Variants in LCE2B observed in about 807,000 individuals in gnomAD.
The protein encoded by LCE2B is late cornified envelope 2B.
For missense variants in LCE2B, 175 were observed against 141.6 expected (o/e 1.24, Z -1.20); for synonymous variants, 69 against 52.0 (o/e 1.33, Z -1.40).
rs1649149048 is a variant in LCE2B, at chr1:152,686,852, C to T, written c.9C>T (p.Cys3=). The T allele has an allele frequency of 6.2e-7, 1 of 1,614,104 alleles. No homozygotes were observed. Among genetic ancestry groups the T allele is most frequent in the Non-Finnish European group, 8.5e-7 (1 of 1,180,002 alleles). ...GACTAAACTCTGCCAGGATGTCTTG[C>T]CAGCAAAACCAGCAGCAGTGCCAGC... MS[C]QQNQQQCQPP... The change falls in exon 2 of 2, where the codon TGC becomes TGT. Residue 3 remains cysteine, a synonymous_variant. Coordinates refer to ENST00000368780, the MANE Select transcript of LCE2B (RefSeq NM_014357.5).
Position 152,687,249 on chromosome 1 carries a change from T to A in LCE2B, c.*73T>A. On this transcript the variant is annotated 3_prime_UTR_variant, in exon 2 of 2. Transcript: ENST00000368780. ...CAGCCTGATGCTTAACCCTTTCCAT[T>A]TCCTCTCATTCCATTCATGGGTGGA... 1 of 1,525,866 alleles carries A rather than the reference T, an allele frequency of 6.6e-7. No homozygotes were observed. The highest frequency in any genetic ancestry group is 8.8e-7 in the Non-Finnish European group (1 of 1,138,542). 94.5% of individuals were successfully genotyped at this position (1,525,866 alleles called of 1,614,324 possible).
rs1326332565 is a variant in LCE2B, at chr1:152,686,156, G to A, written c.-21G>A. Reference sequence around the variant, plus strand: ...TGTCTGTGCTCCTGCGTGTGACCAGGGTGAGTGGCAACCTGGGATACCAGA... The same window carrying A: ...TGTCTGTGCTCCTGCGTGTGACCAGAGTGAGTGGCAACCTGGGATACCAGA... On this transcript the variant is annotated splice_region_variant and 5_prime_UTR_variant, in exon 1 of 2. Transcript: ENST00000368780. 1 of 152,482 alleles carries A rather than the reference G, an allele frequency of 6.6e-6. No homozygotes were observed. Among genetic ancestry groups the A allele is most frequent in the African/African-American group, 2.4e-5 (1 of 41,436 alleles). The allele number at this position is 152,482 out of a possible 1,614,324, so 9.4% of individuals were successfully genotyped here.
intron 1 of LCE2B, 89 bp from the exon 2 acceptor site, chr1:152,686,735 T>A: frequency 2.1e-6 from 3 of 1,450,750 alleles, no homozygotes; most frequent in Non-Finnish European, 2.8e-6. Flanking sequence ...CTAAATATCA[T>A]TCTTCTTCTA....
rs1649173569 is a variant in LCE2B, at chr1:152,687,358, C to T, written c.*182C>T. 2.5e-6 allele frequency: 2 copies of T among 793,060 alleles called. No individual in the cohort carries two copies. Among genetic ancestry groups the T allele is most frequent in the Admixed American group, 3.0e-5 (1 of 33,010 alleles). The allele number at this position is 793,060 out of a possible 1,614,324, so 49.1% of individuals were successfully genotyped here. A position where few individuals can be genotyped will look rare whatever the true frequency, so the allele number is the denominator to read the frequency against. On this transcript the variant is annotated 3_prime_UTR_variant, in exon 2 of 2. Transcript: ENST00000368780. ...CTCAATTGCAGGTTTTGTTTTCCTC[C>T]TTTACCTCATGTTATAATAAAGCTC... is the stretch of plus-strand genomic sequence containing the variant.
At chr1:152,686,781 C>A in intron 1 of LCE2B, 43 bp from the exon 2 acceptor site, 2 of 1,587,244 alleles carry the variant, frequency 1.3e-6, no homozygotes, top group Non-Finnish European at 1.7e-6. Context: ...ATAATATGAT[C>A]CTTGGTTTGA....
Position 152,686,965 on chromosome 1 carries a change from C to G in LCE2B, c.122C>G (p.Ser41Cys). The change falls in exon 2 of 2, where the codon TCC becomes TGC. Residue 41 changes from serine (S) to cysteine (C), a missense_variant. Coordinates refer to ENST00000368780, the MANE Select transcript of LCE2B (RefSeq NM_014357.5). ...CTGCCCCAGTGCCCAGCTCCATGTT[C>G]CCCTGCAGTCTCTTCTTGCTGTGGT... The part of the protein sequence containing the change: ...KCLPQCPAPC[S>C]PAVSSCCGPI... 1.2e-6 allele frequency: 2 copies of G among 1,612,818 alleles called. No homozygotes were observed. Among genetic ancestry groups the G allele is most frequent in the Non-Finnish European group, 1.7e-6 (2 of 1,179,960 alleles).
chr1:152,686,996 C>A lies in LCE2B; in HGVS notation c.153C>A (p.Ile51=), dbSNP rs1041656971. Residue 51 remains isoleucine, a synonymous_variant, in exon 2 of 2, where the codon ATC becomes ATA. Transcript: ENST00000368780. ...CAGTCTCTTCTTGCTGTGGTCCCAT[C>A]TCTGGGGGCTGCTGTGGTCCCAGCT... ...SPAVSSCCGP[I]SGGCCGPSSG... 6.2e-6 allele frequency: 10 copies of A among 1,612,674 alleles called. No homozygotes were observed. Among genetic ancestry groups the A allele is most frequent in the Non-Finnish European group, 8.5e-6 (10 of 1,179,310 alleles).
intron 1 of LCE2B, among the ~76,000 whole-genome samples, chr1:152,686,518 C>T (rs941548120): frequency 2.0e-5 from 3 of 151,952 alleles, no homozygotes; most frequent in Non-Finnish European, 2.9e-5. Context: ...TCCTGCAACA[C>T]GCAGCTGGTC....
At position 152,687,027 on chromosome 1, in the gene LCE2B, G is replaced by T. The variant is rs752272976; in HGVS notation, c.184G>T (p.Gly62Cys). The T allele has an allele frequency of 6.2e-7, 1 of 1,613,814 alleles. No individual in the cohort carries two copies. The highest frequency in any genetic ancestry group is 1.7e-5 in the Admixed American group (1 of 60,008). ...GGGCTGCTGTGGTCCCAGCTCTGGGGGCTGCTGCAACTCTGGGGCTGGTGG... is the reference window on the plus strand; with the variant it reads ...GGGCTGCTGTGGTCCCAGCTCTGGGTGCTGCTGCAACTCTGGGGCTGGTGG... ...SGGCCGPSSG[G>C]CCNSGAGGCC... The change falls in exon 2 of 2, where the codon GGC becomes TGC. Residue 62 changes from glycine (G) to cysteine (C), a missense_variant. By Grantham distance (159) the Gly-to-Cys change is radical. Transcript: ENST00000368780.
rs200218887 is a variant in LCE2B at position 152,687,162 on chromosome 1, G to A, written c.319G>A (p.Gly107Arg). Reference protein sequence around the residue: ...SGGSGCCHSSGGCC With the variant: ...SGGSGCCHSSRGCC ...GGGCTCTGGCTGCTGCCACAGCTCT[G>A]GGGGCTGCTGCTGACCTGGGCTAAG... The change falls in exon 2 of 2, where the codon GGG becomes AGG. Residue 107 changes from glycine to arginine, a missense_variant. By Grantham distance (125) the Gly-to-Arg change is moderately radical. Transcript: ENST00000368780. The A allele has an allele frequency of 1.2e-6, 2 of 1,613,406 alleles. No individual in the cohort carries two copies. Among genetic ancestry groups the A allele is most frequent in the Non-Finnish European group, 1.7e-6 (2 of 1,179,650 alleles).
At chr1:152,686,787 T>C in intron 1 of LCE2B, 37 bp from the exon 2 acceptor site, 1 of 1,594,438 alleles carries the variant, frequency 6.3e-7, no homozygotes, top group Non-Finnish European at 8.5e-7. Context: ...TGATCCTTGG[T>C]TTGAAATATT....
chr1:152,686,595 A>T (rs529021478), intron 1 of LCE2B, among the ~76,000 whole-genome samples: 2 of 151,936 alleles, frequency 1.3e-5, no homozygotes, highest in Non-Finnish European at 2.9e-5. Flanking sequence ...GCTTGTGAGG[A>T]TAGAGTAATC....
intron 1 of LCE2B, 55 bp from the exon 2 acceptor site, chr1:152,686,769 G>C (rs1031230557): frequency 1.5e-5 from 24 of 1,566,780 alleles, no homozygotes; most frequent in Middle Eastern, 1.7e-4. Context: ...TTTAGAAGAG[G>C]TATAATATGA....
Position 152,687,380 on chromosome 1 carries a change from G to T in LCE2B, c.*204G>T. 2.9e-6 allele frequency: 2 copies of T among 689,620 alleles called. No individual in the cohort carries two copies. The highest frequency in any genetic ancestry group is 5.1e-5 in the South Asian group (2 of 39,558). 42.7% of individuals were successfully genotyped at this position (689,620 alleles called of 1,614,324 possible). On this transcript the variant is annotated 3_prime_UTR_variant, in exon 2 of 2. Transcript: ENST00000368780. The stretch of plus-strand genomic sequence containing the variant: ...CTCCTTTACCTCATGTTATAATAAA[G>T]CTCTGATTTCTGACTCACAAATTGT...
In LCE2B at chr1:152,686,907, C is replaced by A; in HGVS notation, c.64C>A (p.Pro22Thr). ...PPPKCPPKCT[P>T]KCPPKCPPKC... ...TCCCAAGTGTCCTCCCAAGTGTACC[C>A]CAAAATGTCCACCTAAGTGTCCCCC... Residue 22 changes from proline (P) to threonine (T), a missense_variant, in exon 2 of 2, where the codon CCA (proline) becomes ACA (threonine). Coordinates refer to ENST00000368780, the MANE Select transcript of LCE2B (RefSeq NM_014357.5). The A allele has an allele frequency of 6.2e-7, 1 of 1,614,146 alleles. No homozygotes were observed. The highest frequency in any genetic ancestry group is 1.1e-5 in the South Asian group (1 of 91,070).
In LCE2B at chr1:152,686,856, C is replaced by G. The variant is rs578025813; in HGVS notation, c.13C>G (p.Gln5Glu). 2 of 1,614,142 alleles carry G rather than the reference C, an allele frequency of 1.2e-6. No homozygotes were observed. Among genetic ancestry groups the G allele is most frequent in the South Asian group, 1.1e-5 (1 of 91,070 alleles). Reference protein sequence around the residue: MSCQQNQQQCQPPPK... With the variant: MSCQENQQQCQPPPK... ...AAACTCTGCCAGGATGTCTTGCCAG[C>G]AAAACCAGCAGCAGTGCCAGCCCCC... The change falls in exon 2 of 2, where the codon CAA becomes GAA. Residue 5 changes from glutamine to glutamate, a missense_variant. Physicochemically the swap from Gln to Glu is conservative, Grantham distance 29. Coordinates refer to ENST00000368780, the MANE Select transcript of LCE2B (RefSeq NM_014357.5).
Position 152,687,318 on chromosome 1 carries a change from C to A in LCE2B, c.*142C>A. 1 of 1,209,600 alleles carries A rather than the reference C, an allele frequency of 8.3e-7. No individual in the cohort carries two copies. The highest frequency in any genetic ancestry group is 1.1e-6 in the Non-Finnish European group (1 of 879,784). 74.9% of individuals were successfully genotyped at this position (1,209,600 alleles called of 1,614,324 possible). A position where few individuals can be genotyped will look rare whatever the true frequency, so the allele number is the denominator to read the frequency against. The stretch of plus-strand genomic sequence containing the variant: ...ATGGGGCTTCCCTGGGAGAACTTTG[C>A]ACTTGATGGAGCACCTCAATTGCAG... On this transcript the variant is annotated 3_prime_UTR_variant, in exon 2 of 2. Coordinates refer to ENST00000368780, the MANE Select transcript of LCE2B (RefSeq NM_014357.5).
chr1:152,686,768 G>A (rs1051660854), intron 1 of LCE2B, 56 bp from the exon 2 acceptor site: 2 of 1,562,214 alleles, frequency 1.3e-6, no homozygotes, highest in East Asian at 2.2e-5. Context: ...TTTTAGAAGA[G>A]GTATAATATG....
Position 152,686,943 on chromosome 1 carries a change from C to T in LCE2B, c.100C>T (p.Pro34Ser). The stretch of plus-strand genomic sequence containing the variant: ...ACCTAAGTGTCCCCCTAAATGCCTG[C>T]CCCAGTGCCCAGCTCCATGTTCCCC... ...CPPKCPPKCL[P>S]QCPAPCSPAV... Residue 34 changes from proline to serine, a missense_variant, in exon 2 of 2, where the codon CCC becomes TCC. Physicochemically the swap from Pro to Ser is moderately conservative, Grantham distance 74. Coordinates refer to ENST00000368780, the MANE Select transcript of LCE2B (RefSeq NM_014357.5). 1.2e-6 allele frequency: 2 copies of T among 1,614,158 alleles called. No individual in the cohort carries two copies. Among genetic ancestry groups the T allele is most frequent in the South Asian group, 1.1e-5 (1 of 91,074 alleles).
Sources: gnomAD v4.1 joint callset for allele counts (sites outside exome capture counted in the v4.1 genomes callset) on GRCh38, gnomAD v4.1.1 for gene constraint, MANE v1.5 for transcripts, NCBI Gene and HGNC (gene_info 2026-07-23, HGNC 2026-07-21) for gene names.